Variants in SP100 observed in about 807,000 individuals in gnomAD.
SP100 encodes nuclear autoantigen Sp-100.
A neutral mutation model predicts 130.0 loss-of-function variants in SP100; 84 were observed. That is an observed-to-expected ratio of 0.65 (90% CI 0.54 to 0.77). The LOEUF (loss-of-function observed/expected upper bound fraction) is 0.77. Ranked by LOEUF, SP100 falls within the 30% of genes least tolerant of loss-of-function variation. The pLI is 0.00. For synonymous variants in SP100, 331 were observed against 351.7 expected, an observed-to-expected ratio of 0.94 and a Z score of 0.66; for missense variants, 978 against 1,052.2, an observed-to-expected ratio of 0.93 and a Z score of 0.97.
chr2:230,422,223 T>A (rs13006418), intron 2 of SP100, among the ~76,000 whole-genome samples: 1 of 152,034 alleles, frequency 6.6e-6, no homozygotes, highest in Non-Finnish European at 1.5e-5. Context: ...CTAATGAGGA[T>A]GAAAATTTTT....
chr2:230,460,858 C>T (rs2064563182), intron 8 of SP100, among the ~76,000 whole-genome samples: 2 of 21,370 alleles, frequency 9.4e-5, no homozygotes, highest in South Asian at 7.4e-4. Flanking sequence ...CTCCTGACCT[C>T]ATGATCCACC....
chr2:230,468,076 A>C (rs2149985459), intron 13 of SP100, among the ~76,000 whole-genome samples: 1 of 152,314 alleles, frequency 6.6e-6, no homozygotes, highest in East Asian at 1.9e-4. Flanking sequence ...GCATCTTTAC[A>C]ACAACCTAAA....
At chr2:230,419,030 T>C (rs1441467569) in intron 2 of SP100, among the ~76,000 whole-genome samples, 2 of 152,254 alleles carry the variant, frequency 1.3e-5, no homozygotes, top group African/African-American at 4.8e-5. Flanking sequence ...TTCCATCTCA[T>C]GAATATGGTT....
intron 6 of SP100, 123 bp downstream of exon 6, chr2:230,449,273 T>C (rs2063849833): frequency 9.6e-7 from 1 of 1,038,358 alleles, no homozygotes; most frequent in South Asian, 1.3e-5. Flanking sequence ...TCTACAGTTT[T>C]TCCATTTCTG....
chr2:230,439,355 G>A (rs1369061219), intron 2 of SP100, among the ~76,000 whole-genome samples: 1 of 152,046 alleles, frequency 6.6e-6, no homozygotes, highest in Admixed American at 6.6e-5. Context: ...TGTTTTGATG[G>A]GAATTGCATT....
chr2:230,494,508 G>T, intron 18 of SP100, 48 bp downstream of exon 18: 1 of 1,429,870 alleles, frequency 7.0e-7, no homozygotes, highest in Non-Finnish European at 9.9e-7. Flanking sequence ...CTGTGGTCCT[G>T]TTCTTCCTGC....
chr2:230,423,355 C>G (rs2062826676), intron 2 of SP100, among the ~76,000 whole-genome samples: 1 of 151,892 alleles, frequency 6.6e-6, no homozygotes, highest in South Asian at 2.1e-4. Context: ...GTCCTTTTTC[C>G]TATTCCTACC....
Position 230,544,097 on chromosome 2 carries a change from AG to A in SP100, c.*1152del, listed in dbSNP as rs1417383528. 2.0e-5 allele frequency: 3 copies of A among 152,216 alleles called. No individual in the cohort carries two copies. The highest frequency in any genetic ancestry group is 4.4e-5 in the Non-Finnish European group (3 of 68,046). The allele number at this position is 152,216 out of a possible 1,614,324, so 9.4% of individuals were successfully genotyped here. On this transcript the variant is annotated 3_prime_UTR_variant, in exon 29 of 29. Transcript: ENST00000340126. ...ATGGTGCTGGGATAACTGGGATAGA[AG>A]ATTGAAGCTAGACCTCTTCCTTACA...
chr2:230,436,898 A>G (rs953443115), intron 2 of SP100, among the ~76,000 whole-genome samples: 1 of 79,536 alleles, frequency 1.3e-5, no homozygotes, highest in African/African-American at 4.9e-5. Flanking sequence ...ATATGTGTAT[A>G]CACACACGCA....
Position 230,461,361 on chromosome 2 carries a change from T to A in SP100, c.920T>A (p.Val307Asp). The A allele has an allele frequency of 6.2e-7, 1 of 1,614,158 alleles. No individual in the cohort carries two copies. Among genetic ancestry groups the A allele is most frequent in the South Asian group, 1.1e-5 (1 of 91,086 alleles). The change falls in exon 9 of 29, where the codon GTT becomes GAT. Residue 307 changes from valine (V) to aspartate (D), a missense_variant. By Grantham distance (152) the Val-to-Asp change is radical. Coordinates refer to ENST00000340126, the MANE Select transcript of SP100 (RefSeq NM_001080391.2). Reference sequence around the variant, plus strand: ...GAAAAGCCATTTTCTAATTCAAAAGTTGAGTGCCAAGCCCAAGCAAGAACT... The same window carrying A: ...GAAAAGCCATTTTCTAATTCAAAAGATGAGTGCCAAGCCCAAGCAAGAACT... The part of the protein sequence containing the change: ...KKEKPFSNSK[V>D]ECQAQARTHH...
chr2:230,541,128 C>A, intron 26 of SP100, 132 bp downstream of exon 26: 1 of 1,261,590 alleles, frequency 7.9e-7, no homozygotes, highest in Non-Finnish European at 1.1e-6. Context: ...TGCTCCATGA[C>A]CTAACGCTAC....
chr2:230,506,784 C>A (rs1254091619), intron 22 of SP100: 1 of 18,532 alleles, frequency 5.4e-5, no homozygotes, highest in Non-Finnish European at 1.0e-4. Context: ...ATGTTAAATA[C>A]ACACACACAC....
At chr2:230,449,756 C>G (rs1157751746) in intron 7 of SP100, 46 bp downstream of exon 7, 1 of 1,604,590 alleles carries the variant, frequency 6.2e-7, no homozygotes, top group Non-Finnish European at 8.5e-7. Flanking sequence ...CCAAGGGGCC[C>G]TGGCTGGTGG....
At chr2:230,457,604 C>T (rs2064349603) in intron 8 of SP100, among the ~76,000 whole-genome samples, 1 of 152,170 alleles carries the variant, frequency 6.6e-6, no homozygotes, top group South Asian at 2.1e-4. Flanking sequence ...TTGTATCTTG[C>T]TCAATGCTGT....
At chr2:230,475,078 G>A (rs1176446345) in intron 17 of SP100, among the ~76,000 whole-genome samples, 2 of 152,184 alleles carry the variant, frequency 1.3e-5, no homozygotes, top group African/African-American at 4.8e-5. Context: ...GGGTAGAATG[G>A]CATTTCTGTC....
chr2:230,493,480 G>A (rs6740283), intron 17 of SP100, among the ~76,000 whole-genome samples: 34,007 of 152,160 alleles, frequency 0.22, 4,985 homozygotes, highest in African/African-American at 0.42. Flanking sequence ...GCCTCCCAAA[G>A]TGCTAAGATT....
chr2:230,501,829 T>G (rs2067045153), intron 19 of SP100, among the ~76,000 whole-genome samples: 1 of 152,158 alleles, frequency 6.6e-6, no homozygotes, highest in Admixed American at 6.5e-5. Flanking sequence ...GACTGGCTAT[T>G]TATTTGGACA....
intron 24 of SP100, among the ~76,000 whole-genome samples, chr2:230,518,643 ACATTT>A (rs891706905): frequency 2.4e-4 from 36 of 152,114 alleles, no homozygotes; most frequent in African/African-American, 8.7e-4. Flanking sequence ...TATCCCATTT[ACATTT>A]ATTTTTAACA....
intron 24 of SP100, among the ~76,000 whole-genome samples, chr2:230,519,486 G>A (rs1386154475): frequency 1.3e-5 from 2 of 152,174 alleles, no homozygotes; most frequent in Non-Finnish European, 2.9e-5. Context: ...TTGAGAGAAG[G>A]AAATGTGTGT....
Sources: gnomAD v4.1 joint callset for allele counts (sites outside exome capture counted in the v4.1 genomes callset) on GRCh38, gnomAD v4.1.1 for gene constraint, MANE v1.5 for transcripts, NCBI Gene and HGNC (gene_info 2026-07-23, HGNC 2026-07-21) for gene names.